The following PDZD9 variants were observed in gnomAD, a reference collection of about 807,000 sequenced individuals.
The protein encoded by PDZD9 is PDZ domain-containing protein 9.
PDZD9 carries 13 observed loss-of-function variants against 16.3 expected under a neutral mutation model. The observed-to-expected ratio is 0.80, with a 90% confidence interval of 0.52 to 1.27. The LOEUF is 1.27. Ranked by LOEUF, PDZD9 falls within the 50% of genes most tolerant of loss-of-function variation. The pLI, the probability that PDZD9 is intolerant of heterozygous loss-of-function variation, is 0.00. For synonymous variants in PDZD9, 120 were observed against 111.0 expected (o/e 1.08, Z -0.51); for missense variants, 288 against 310.9 (o/e 0.93, Z 0.55).
intron 3 of PDZD9, among the ~76,000 whole-genome samples, chr16:21,987,377 G>A (rs1299296996): frequency 1.3e-5 from 2 of 152,076 alleles, no homozygotes; most frequent in Non-Finnish European, 2.9e-5. Flanking sequence ...CCAAGGTCAC[G>A]CCACTACACT....
downstream of PDZD9, chr16:21,983,245 GTCTC>G: frequency 7.5e-7 from 1 of 1,340,236 alleles, no homozygotes; most frequent in Non-Finnish European, 1.0e-6. Context: ...AAAGTCAGAA[GTCTC>G]TAATATATCA....
the PDZD9 span, among the ~76,000 whole-genome samples, chr16:21,964,460 A>G: frequency 2.6e-5 from 4 of 152,160 alleles, no homozygotes; most frequent in South Asian, 2.1e-4. Context: ...GCATATACGT[A>G]TATGGCCTTG....
the PDZD9 span, among the ~76,000 whole-genome samples, chr16:21,961,669 T>TATATATATATATATATATATATA: frequency 2.3e-5 from 3 of 128,978 alleles, no homozygotes; most frequent in Non-Finnish European, 5.1e-5. Context: ...TATATATATA[T>TATATATATATATATATATATATA]TTTAGACAGT....
chr16:21,965,527 A>T, the PDZD9 span: 2 of 1,521,696 alleles, frequency 1.3e-6, no homozygotes, highest in Non-Finnish European at 1.8e-6. Flanking sequence ...ACATATTTTG[A>T]AATGTGCTTG....
chr16:21,965,554 G>T, the PDZD9 span: 1 of 1,378,496 alleles, frequency 7.3e-7, no homozygotes, highest in East Asian at 2.6e-5. Flanking sequence ...ACATTAAATT[G>T]AACATCTCCC....
the PDZD9 span, among the ~76,000 whole-genome samples, chr16:21,964,568 T>C: frequency 2.0e-5 from 3 of 152,218 alleles, no homozygotes; most frequent in African/African-American, 7.2e-5. Flanking sequence ...TTATACTTTA[T>C]GCCTTTGTTT....
chr16:21,988,884 G>A lies in PDZD9; in HGVS notation c.212-93C>T, dbSNP rs1898953076. 3 of 1,057,312 alleles carry A rather than the reference G, an allele frequency of 2.8e-6. No homozygotes were observed. In the African/African-American group the frequency reaches 5.0e-5, roughly 18 times the overall value. The allele number at this position is 1,057,312 out of a possible 1,614,324, so 65.5% of individuals were successfully genotyped here. On this transcript the variant is annotated intron_variant, in intron 2 of 3. Coordinates refer to ENST00000424898, the MANE Select transcript of PDZD9 (RefSeq NM_001363519.1). The stretch of plus-strand genomic sequence containing the variant: ...TTATTGTGAGGTATTTCATTTTATG[G>A]GTTCATATTGTTGATTCTTTTTGAA...
the PDZD9 span, among the ~76,000 whole-genome samples, chr16:21,974,542 A>G: frequency 2.6e-5 from 4 of 152,344 alleles, no homozygotes; most frequent in South Asian, 6.2e-4. Flanking sequence ...TCAGCAAGCT[A>G]GGACATCATG....
At chr16:21,993,179 G>T (rs1899065815) in intron 2 of PDZD9, among the ~76,000 whole-genome samples, 1 of 152,158 alleles carries the variant, frequency 6.6e-6, no homozygotes. Context: ...TACAGTAGGT[G>T]AGTCCTGGAT....
chr16:21,999,204 G>T, intron 1 of PDZD9: 1 of 185,120 alleles, frequency 5.4e-6, no homozygotes, highest in South Asian at 1.3e-4. Context: ...TGCTCAGGAT[G>T]AACTATTAGA....
At chr16:21,998,990 A>G (rs1899222137) in intron 1 of PDZD9, 1 of 221,272 alleles carries the variant, frequency 4.5e-6, no homozygotes, top group Admixed American at 4.2e-5. Context: ...ATATGAAGTC[A>G]CTACTTTAAA....
the PDZD9 span, chr16:21,962,439 C>T: frequency 1.9e-6 from 3 of 1,613,792 alleles, no homozygotes; most frequent in Non-Finnish European, 2.5e-6. Context: ...ATGATTTACT[C>T]TAGTTTATTT....
At chr16:21,982,744 C>T (rs1898763164), downstream of PDZD9, among the ~76,000 whole-genome samples, 1 of 152,094 alleles carries the variant, frequency 6.6e-6, no homozygotes, top group African/African-American at 2.4e-5. Flanking sequence ...GTGAGTGGAT[C>T]ACTTGAGGCT....
chr16:21,966,087 A>C, the PDZD9 span, among the ~76,000 whole-genome samples: 1 of 149,936 alleles, frequency 6.7e-6, no homozygotes, highest in African/African-American at 2.4e-5. Context: ...GCCAAGACAG[A>C]GGGATCACTT....
intron 1 of PDZD9, among the ~76,000 whole-genome samples, chr16:21,997,616 A>T (rs1460657789): frequency 6.6e-6 from 1 of 152,226 alleles, no homozygotes; most frequent in Non-Finnish European, 1.5e-5. Flanking sequence ...CAAAAAGCAC[A>T]TGGGGGAAAA....
the PDZD9 span, among the ~76,000 whole-genome samples, chr16:21,970,811 C>T: frequency 3.9e-5 from 6 of 152,160 alleles, no homozygotes; most frequent in Non-Finnish European, 8.8e-5. Context: ...GTCTCGAACT[C>T]CTGAGCTCAG....
the PDZD9 span, chr16:21,963,015 G>A: frequency 3.3e-6 from 4 of 1,206,730 alleles, no homozygotes; most frequent in African/African-American, 3.1e-5. Context: ...TTGAGACAGA[G>A]TCTCACTCTG....
chr16:21,983,911 AAAAAG>A lies in PDZD9; in HGVS notation c.*351_*355del, dbSNP rs1898800257. 1.2e-5 allele frequency: 2 copies of A among 163,014 alleles called. No homozygotes were observed. Among genetic ancestry groups the A allele is most frequent in the Non-Finnish European group, 2.6e-5 (2 of 75,804 alleles). The allele number at this position is 163,014 out of a possible 1,614,324, so 10.1% of individuals were successfully genotyped here. A position where few individuals can be genotyped will look rare whatever the true frequency, so the allele number is the denominator to read the frequency against. On this transcript the variant is annotated 3_prime_UTR_variant, in exon 4 of 4. Transcript: ENST00000424898. ...ATTATAGTACTTGAAGTTTACCAAAAAAAAGAGAGAAACTAAATATTTAAAGAAAA... is the reference window on the plus strand; with the variant it reads ...ATTATAGTACTTGAAGTTTACCAAAAAGAGAAACTAAATATTTAAAGAAAA...
At chr16:21,987,362 G>A (rs1055768103) in intron 3 of PDZD9, among the ~76,000 whole-genome samples, 3 of 152,170 alleles carry the variant, frequency 2.0e-5, no homozygotes, top group Non-Finnish European at 4.4e-5. Context: ...AGAGGTTGCA[G>A]TGAGCCAAGG....
Sources: gnomAD v4.1 joint callset for allele counts (sites outside exome capture counted in the v4.1 genomes callset) on GRCh38, gnomAD v4.1.1 for gene constraint, MANE v1.5 for transcripts, NCBI Gene and HGNC (gene_info 2026-07-23, HGNC 2026-07-21) for gene names.